Variants in PTPN23 observed in about 807,000 individuals in gnomAD.
PTPN23 encodes the protein tyrosine-protein phosphatase non-receptor type 23.
A neutral mutation model predicts 156.3 loss-of-function variants in PTPN23; 72 were observed. That is an observed-to-expected ratio of 0.46 (90% CI 0.38 to 0.56). The LOEUF is 0.56. Among genes scored for constraint, PTPN23 ranks in the 20% least tolerant of loss-of-function variants. The pLI, the probability that PTPN23 is intolerant of heterozygous loss-of-function variation, is 0.00. For synonymous variants in PTPN23, 957 were observed against 899.6 expected (o/e 1.06, Z -1.14); for missense variants, 1,974 against 2,171.5 (o/e 0.91, Z 1.81).
At chr3:47,412,461 T>C (rs766667848) in intron 23 of PTPN23, 40 bp downstream of exon 23, 4 of 1,611,574 alleles carry the variant, frequency 2.5e-6, no homozygotes, top group East Asian at 4.5e-5. Flanking sequence ...GGGCCTTCTG[T>C]CCCAGGGTGA....
chr3:47,390,026 T>C (rs1416606969), intron 1 of PTPN23, among the ~76,000 whole-genome samples: 1 of 141,838 alleles, frequency 7.1e-6, no homozygotes, highest in East Asian at 2.0e-4. Context: ...TAAGCCGAGA[T>C]GGCGCCATTG....
intron 1 of PTPN23, among the ~76,000 whole-genome samples, chr3:47,383,226 G>GT (rs1277427291): frequency 7.2e-5 from 11 of 152,046 alleles, no homozygotes; most frequent in Non-Finnish European, 1.6e-4. Context: ...TTCCTCTTCT[G>GT]TGCCGTTGGT....
chr3:47,412,708 C>T lies in PTPN23; in HGVS notation c.4434C>T (p.Asn1478=), dbSNP rs1389255731. The T allele has an allele frequency of 1.9e-6, 3 of 1,596,984 alleles. No individual in the cohort carries two copies. The highest frequency in any genetic ancestry group is 2.6e-6 in the Non-Finnish European group (3 of 1,169,138). ...PLASASISQK[N]HLPQDSQDLV... ...CCTCACTCACTCTGTCTTCTCAGAACCACCTTCCTCAGGACTCCCAGGACC... is the reference window on the plus strand; with the variant it reads ...CCTCACTCACTCTGTCTTCTCAGAATCACCTTCCTCAGGACTCCCAGGACC... The change falls in exon 25 of 25, where the codon AAC becomes AAT. Residue 1478 remains asparagine, a splice_region_variant and synonymous_variant. Coordinates refer to ENST00000265562, the MANE Select transcript of PTPN23 (RefSeq NM_015466.4).
chr3:47,381,616 A>G (rs1219694686), intron 1 of PTPN23, among the ~76,000 whole-genome samples: 1 of 152,138 alleles, frequency 6.6e-6, no homozygotes, highest in Non-Finnish European at 1.5e-5. Context: ...CCTGGGACAG[A>G]CACTGGGGAT....
At chr3:47,381,870 G>A (rs1189918539) in intron 1 of PTPN23, among the ~76,000 whole-genome samples, 1 of 152,164 alleles carries the variant, frequency 6.6e-6, no homozygotes, top group Admixed American at 6.5e-5. Flanking sequence ...AGAACAGACG[G>A]GCAGGTTTGG....
At position 47,406,167 on chromosome 3, in the gene PTPN23, G is replaced by T; in HGVS notation, c.546+121G>T. On this transcript the variant is annotated intron_variant, in intron 6 of 24. Transcript: ENST00000265562. The surrounding 1 kb of genome is among the most constrained non-coding windows in gnomAD (Gnocchi z 5.8). ...GGGACAAGCAAGGGGCCTTGGCTTT[G>T]TTGAATCAGGAGCACCGTGGTGCTG... 3 of 1,502,534 alleles carry T rather than the reference G, an allele frequency of 2.0e-6. No individual in the cohort carries two copies. In the South Asian group the frequency reaches 3.7e-5, roughly 19 times the overall value. The allele number at this position is 1,502,534 out of a possible 1,614,324, so 93.1% of individuals were successfully genotyped here.
At position 47,405,579 on chromosome 3, in the gene PTPN23, A is replaced by C; in HGVS notation, c.365-170A>C. Reference sequence around the variant, plus strand: ...CAGAGCAGGAGACTGAGGGCTGGGCAGGACTTCTGAGTTTCCCTGTTCCCT... The same window carrying C: ...CAGAGCAGGAGACTGAGGGCTGGGCCGGACTTCTGAGTTTCCCTGTTCCCT... On this transcript the variant is annotated intron_variant, in intron 4 of 24. Coordinates refer to ENST00000265562, the MANE Select transcript of PTPN23 (RefSeq NM_015466.4). The surrounding 1 kb of genome is among the most constrained non-coding windows in gnomAD (Gnocchi z 4.7). 1 of 667,676 alleles carries C rather than the reference A, an allele frequency of 1.5e-6. No homozygotes were observed. The highest frequency in any genetic ancestry group is 2.6e-6 in the Non-Finnish European group (1 of 389,950). 41.4% of individuals were successfully genotyped at this position (667,676 alleles called of 1,614,324 possible). A position where few individuals can be genotyped will look rare whatever the true frequency, so the allele number is the denominator to read the frequency against.
In PTPN23 at chr3:47,407,853, A is replaced by T. The variant is rs766011342; in HGVS notation, c.1119-37A>T. 6.2e-7 allele frequency: 1 copy of T among 1,614,030 alleles called. No homozygotes were observed. The highest frequency in any genetic ancestry group is 2.2e-5 in the East Asian group (1 of 44,864). ...ACAGAGGGAGGTGGGGTGTCTTGAGATGTGGGTCTTCAGCAAATGCTCTGT... is the reference window on the plus strand; with the variant it reads ...ACAGAGGGAGGTGGGGTGTCTTGAGTTGTGGGTCTTCAGCAAATGCTCTGT... On this transcript the variant is annotated intron_variant, in intron 13 of 24. Coordinates refer to ENST00000265562, the MANE Select transcript of PTPN23 (RefSeq NM_015466.4). This position sits in a 1 kb window ranked among gnomAD's most constrained non-coding sequence, Gnocchi z 4.0.
chr3:47,391,460 C>T (rs1427144284), intron 1 of PTPN23, among the ~76,000 whole-genome samples: 1 of 152,148 alleles, frequency 6.6e-6, no homozygotes, highest in Non-Finnish European at 1.5e-5. Context: ...GTGTCTACCT[C>T]TTAGGGTTGT....
Position 47,409,468 on chromosome 3 carries a change from G to A in PTPN23, c.1849G>A (p.Glu617Lys). ...KKYDQLKVYL[E>K]QNLAAQDRVL... is the part of the protein sequence containing the mutation. ...GTATGACCAGCTGAAGGTGTACCTG[G>A]AGCAGAACCTGGCCGCCCAGGACCG... Residue 617 changes from glutamate (E) to lysine (K), a missense_variant, in exon 18 of 25, where the codon GAG becomes AAG. By Grantham distance (56) the Glu-to-Lys change is moderately conservative. Coordinates refer to ENST00000265562, the MANE Select transcript of PTPN23 (RefSeq NM_015466.4). 1 of 1,614,196 alleles carries A rather than the reference G, an allele frequency of 6.2e-7. No individual in the cohort carries two copies. The highest frequency in any genetic ancestry group is 1.3e-5 in the African/African-American group (1 of 75,064).
chr3:47,391,271 TA>T (rs1404940411), intron 1 of PTPN23, among the ~76,000 whole-genome samples: 2 of 152,002 alleles, frequency 1.3e-5, no homozygotes, highest in African/African-American at 4.8e-5. Flanking sequence ...AAAAATAAAC[TA>T]AAAACAATTT....
At chr3:47,388,012 G>A (rs1398899941) in intron 1 of PTPN23, among the ~76,000 whole-genome samples, 2 of 152,162 alleles carry the variant, frequency 1.3e-5, no homozygotes, top group African/African-American at 4.8e-5. Flanking sequence ...TAGCAGAGTA[G>A]CATCATGGAA....
chr3:47,403,210 G>A (rs1392848098), intron 2 of PTPN23, among the ~76,000 whole-genome samples: 1 of 151,160 alleles, frequency 6.6e-6, no homozygotes, highest in Non-Finnish European at 1.5e-5. Context: ...CTGCCACCAC[G>A]TCCGGCTAAT....
In PTPN23 at chr3:47,410,120, C is replaced by A; in HGVS notation, c.2322C>A (p.Ser774Arg). Residue 774 changes from serine (S) to arginine (R), a missense_variant, in exon 20 of 25, where the codon AGC (serine) becomes AGA (arginine). Transcript: ENST00000265562. ...GSATPLHFPPSPFPSSTGPGP... is the reference protein window; with the variant it reads ...GSATPLHFPPRPFPSSTGPGP... ...CCACCCCGCTCCACTTTCCTCCCAG[C>A]CCCTTCCCCAGCTCCACAGGCCCAG... is the stretch of plus-strand genomic sequence containing the variant. 6.3e-7 allele frequency: 1 copy of A among 1,598,946 alleles called. No individual in the cohort carries two copies. The highest frequency in any genetic ancestry group is 8.5e-7 in the Non-Finnish European group (1 of 1,172,298).
Position 47,411,642 on chromosome 3 carries a change from G to C in PTPN23, c.3844G>C (p.Val1282Leu), listed in dbSNP as rs746216873. The C allele has an allele frequency of 3.7e-6, 6 of 1,609,782 alleles. No homozygotes were observed. The Admixed American group carries it at 1.0e-4, about 27-fold the overall frequency. ...CTGGCTCATGGTCCATGAGCAGAAAGTGTCAGTCATTGTCATGCTGGTTTC... is the reference window on the plus strand; with the variant it reads ...CTGGCTCATGGTCCATGAGCAGAAACTGTCAGTCATTGTCATGCTGGTTTC... ...DFWLMVHEQK[V>L]SVIVMLVSEA... The change falls in exon 20 of 25, where the codon GTG becomes CTG. Residue 1282 changes from valine (V) to leucine (L), a missense_variant. By Grantham distance (32) the Val-to-Leu change is conservative. This residue lies in a region of PTPN23 where 484 missense variants were observed against 516.0 expected (regional missense o/e 0.94). Transcript: ENST00000265562. This position sits in a 1 kb window ranked among gnomAD's most constrained non-coding sequence, Gnocchi z 6.3.
At chr3:47,401,343 A>C (rs1481443740) in intron 2 of PTPN23, among the ~76,000 whole-genome samples, 1 of 152,042 alleles carries the variant, frequency 6.6e-6, no homozygotes, top group South Asian at 2.1e-4. Context: ...AGTAGCTGGG[A>C]CTACAGGTAT....
intron 1 of PTPN23, among the ~76,000 whole-genome samples, chr3:47,391,671 G>A (rs1038447291): frequency 6.6e-6 from 1 of 152,140 alleles, no homozygotes; most frequent in Non-Finnish European, 1.5e-5. Flanking sequence ...TGTTCCTAGT[G>A]ATATCACGGG....
At position 47,413,417 on chromosome 3, in the gene PTPN23, T is replaced by A. The variant is rs1184823685; in HGVS notation, c.*232T>A. 4 of 586,538 alleles carry A rather than the reference T, an allele frequency of 6.8e-6. No homozygotes were observed. The highest frequency in any genetic ancestry group is 5.6e-5 in the African/African-American group (3 of 53,920). 36.3% of individuals were successfully genotyped at this position (586,538 alleles called of 1,614,324 possible). A position where few individuals can be genotyped will look rare whatever the true frequency, so the allele number is the denominator to read the frequency against. On this transcript the variant is annotated 3_prime_UTR_variant, in exon 25 of 25. Coordinates refer to ENST00000265562, the MANE Select transcript of PTPN23 (RefSeq NM_015466.4). ...TTTCAGCTCTTTGCTATTGAAATAA[T>A]AAACCACCCTGTTCTGTGGCCCGTG... is the stretch of plus-strand genomic sequence containing the variant.
Position 47,411,152 on chromosome 3 carries a change from C to T in PTPN23, c.3354C>T (p.Asp1118=). 6.2e-7 allele frequency: 1 copy of T among 1,601,942 alleles called. No individual in the cohort carries two copies. The highest frequency in any genetic ancestry group is 8.5e-7 in the Non-Finnish European group (1 of 1,175,880). ...TGCGCCGAGGCGCCGCAGCTGCAGA[C>T]CTGCTCTCCTCCAGCCCGGAGAGCC... ...PCLRRGAAAA[D]LLSSSPESQH... Residue 1118 remains aspartate, a synonymous_variant, in exon 20 of 25, where the codon GAC becomes GAT. Coordinates refer to ENST00000265562, the MANE Select transcript of PTPN23 (RefSeq NM_015466.4). The surrounding 1 kb of genome is among the most constrained non-coding windows in gnomAD (Gnocchi z 6.3).
Sources: allele counts gnomAD v4.1 joint callset (sites outside exome capture counted in the v4.1 genomes callset), GRCh38; gene constraint gnomAD v4.1.1; regional missense constraint gnomAD v4.1.1; non-coding constraint Gnocchi (gnomAD v3.1); transcripts MANE v1.5; gene names NCBI Gene and HGNC (gene_info 2026-07-23, HGNC 2026-07-21).